The following DGKB variants were observed in gnomAD, a reference collection of about 807,000 sequenced individuals.
DGKB encodes diacylglycerol kinase beta, also known as 90 kDa diacylglycerol kinase.
Under a neutral mutation model 114.3 loss-of-function variants are expected in DGKB, and 67 were observed. That is an observed-to-expected ratio of 0.59 (90% CI 0.48 to 0.72). The LOEUF (loss-of-function observed/expected upper bound fraction) is 0.72. DGKB is among the 30% of genes least tolerant of loss of function. The pLI is 0.00. For missense variants in DGKB, 907 were observed against 975.2 expected (o/e 0.93, Z 0.93); for synonymous variants, 398 against 323.1 (o/e 1.23, Z -2.49).
At chr7:14,395,648 A>C (rs1267482043) in intron 21 of DGKB, among the ~76,000 whole-genome samples, 1 of 151,830 alleles carries the variant, frequency 6.6e-6, no homozygotes, top group Non-Finnish European at 1.5e-5. Context: ...TATATGTAAA[A>C]ATATGTGCAA....
chr7:14,852,489 A>AAAAAAAAAAAAAAAAAAAAAC (rs1478524422), intron 1 of DGKB, among the ~76,000 whole-genome samples: 1 of 149,382 alleles, frequency 6.7e-6, no homozygotes, highest in African/African-American at 2.4e-5. Flanking sequence ...GTGAAAGTCA[A>AAAAAAAAAAAAAAAAAAAAAC]AAAAAAAACA....
chr7:14,321,344 A>C (rs1807760841), intron 23 of DGKB, among the ~76,000 whole-genome samples: 1 of 152,216 alleles, frequency 6.6e-6, no homozygotes, highest in African/African-American at 2.4e-5. Context: ...AAGAATAAAA[A>C]GTATGATTCT....
chr7:14,379,779 T>C (rs760483342), intron 21 of DGKB, among the ~76,000 whole-genome samples: 1 of 152,118 alleles, frequency 6.6e-6, no homozygotes, highest in Non-Finnish European at 1.5e-5. Flanking sequence ...AGGATGGTCT[T>C]GATCTCCTGA....
chr7:14,527,138 C>G (rs1790780133), intron 20 of DGKB, among the ~76,000 whole-genome samples: 1 of 152,058 alleles, frequency 6.6e-6, no homozygotes, highest in Non-Finnish European at 1.5e-5. Flanking sequence ...CCAGTTGGGT[C>G]ACCAGGTCTT....
intron 4 of DGKB, among the ~76,000 whole-genome samples, chr7:14,746,649 C>G (rs1042607861): frequency 1.6e-4 from 25 of 152,186 alleles, no homozygotes; most frequent in African/African-American, 6.0e-4. Context: ...TAGGTGCTCA[C>G]AACCACGCCC....
chr7:14,427,607 T>C (rs536580621), intron 21 of DGKB, among the ~76,000 whole-genome samples: 1 of 152,264 alleles, frequency 6.6e-6, no homozygotes, highest in East Asian at 1.9e-4. Flanking sequence ...GAGTTTTCTT[T>C]ACAGTTCCAC....
chr7:14,155,562 A>T (rs947078796), intron 25 of DGKB, among the ~76,000 whole-genome samples: 1 of 152,104 alleles, frequency 6.6e-6, no homozygotes, highest in African/African-American at 2.4e-5. Context: ...AGAGGCATGG[A>T]GATCAAATGG....
chr7:14,308,125 T>C (rs1013031623), intron 23 of DGKB, among the ~76,000 whole-genome samples: 1 of 152,228 alleles, frequency 6.6e-6, no homozygotes, highest in Admixed American at 6.5e-5. Flanking sequence ...CAAGAATGTA[T>C]ATATTTTAAA....
intron 21 of DGKB, among the ~76,000 whole-genome samples, chr7:14,467,370 C>T (rs1047897828): frequency 4.0e-5 from 6 of 150,824 alleles, no homozygotes; most frequent in Admixed American, 6.6e-5. Flanking sequence ...TGTATACAAA[C>T]ATCAAAGAAT....
intron 13 of DGKB, among the ~76,000 whole-genome samples, chr7:14,633,327 G>A (rs577487824): frequency 3.3e-5 from 5 of 151,986 alleles, no homozygotes; most frequent in African/African-American, 1.2e-4. Context: ...AAATATGTAA[G>A]AGAGAAAGCC....
intron 23 of DGKB, among the ~76,000 whole-genome samples, chr7:14,180,345 C>G (rs927523033): frequency 6.6e-6 from 1 of 152,270 alleles, no homozygotes; most frequent in South Asian, 2.1e-4. Context: ...TACACCCACA[C>G]CATATTGCTA....
chr7:14,271,912 TAA>T (rs1478409811), intron 23 of DGKB, among the ~76,000 whole-genome samples: 6 of 152,210 alleles, frequency 3.9e-5, no homozygotes, highest in African/African-American at 1.4e-4. Context: ...CTAATGAGGA[TAA>T]AGACAGTAAA....
chr7:14,231,095 CTTTCTTTCTTTCTTTCTTTCTT>C (rs1791704097), intron 23 of DGKB, among the ~76,000 whole-genome samples: 5 of 102,234 alleles, frequency 4.9e-5, no homozygotes, highest in Non-Finnish European at 9.9e-5. Flanking sequence ...TTCTTTCTTT[CTTTCTTTCTTTCTTTCTTTCTT>C]TCTTTCTTTC....
chr7:14,577,547 G>T (rs1248495865), intron 19 of DGKB, among the ~76,000 whole-genome samples: 3 of 152,124 alleles, frequency 2.0e-5, no homozygotes, highest in Non-Finnish European at 4.4e-5. Flanking sequence ...AACCCGGGGG[G>T]CGGAGCCTGC....
At chr7:14,274,047 T>C (rs1332452940) in intron 23 of DGKB, among the ~76,000 whole-genome samples, 1 of 152,210 alleles carries the variant, frequency 6.6e-6, no homozygotes, top group East Asian at 1.9e-4. Flanking sequence ...CCCTTTTTGA[T>C]ACACTTGAGG....
chr7:14,363,843 C>T (rs1022442613), intron 21 of DGKB, among the ~76,000 whole-genome samples: 1 of 151,966 alleles, frequency 6.6e-6, no homozygotes, highest in African/African-American at 2.4e-5. Flanking sequence ...TATCTACACT[C>T]TTAGAGTGGA....
intron 23 of DGKB, among the ~76,000 whole-genome samples, chr7:14,281,678 A>T (rs901865509): frequency 5.3e-5 from 8 of 151,804 alleles, no homozygotes; most frequent in Non-Finnish European, 1.2e-4. Context: ...ACCACAGTGC[A>T]ATCAAACTAG....
intron 23 of DGKB, among the ~76,000 whole-genome samples, chr7:14,279,792 G>A (rs1047143405): frequency 1.3e-5 from 2 of 148,826 alleles, no homozygotes; most frequent in African/African-American, 4.9e-5. Context: ...ACCTGCAGCT[G>A]AGGGTACTGT....
At chr7:14,388,927 C>A (rs953695329) in intron 21 of DGKB, among the ~76,000 whole-genome samples, 1 of 152,160 alleles carries the variant, frequency 6.6e-6, no homozygotes. Flanking sequence ...CTGTCCTTTA[C>A]CCCTTTGTTA....
Sources: allele counts gnomAD v4.1 joint callset (sites outside exome capture counted in the v4.1 genomes callset), GRCh38; gene constraint gnomAD v4.1.1; transcripts MANE v1.5; gene names NCBI Gene and HGNC (gene_info 2026-07-23, HGNC 2026-07-21).